The following CDT1 variants were observed in gnomAD, a reference collection of about 807,000 sequenced individuals.
The protein encoded by CDT1 is DNA replication factor Cdt1.
CDT1 carries 66 observed loss-of-function variants against 49.3 expected under a neutral mutation model. The observed-to-expected ratio is 1.34, with a 90% CI of 1.10 to 1.64. The LOEUF is 1.64. CDT1 is among the 40% of genes most tolerant of loss of function. The pLI is 0.00. For synonymous variants in CDT1, 424 were observed against 347.4 expected (o/e 1.22, Z -2.45); for missense variants, 958 against 807.7 (o/e 1.19, Z -2.26).
At position 88,807,468 on chromosome 16, in the gene CDT1, C is replaced by T. The variant is rs745962041; in HGVS notation, c.1463C>T (p.Thr488Ile). The change falls in exon 9 of 10, where the codon ACT (threonine) becomes ATT (isoleucine). Residue 488 changes from threonine (T) to isoleucine (I), a missense_variant. Coordinates refer to ENST00000301019, the MANE Select transcript of CDT1 (RefSeq NM_030928.4). ...GCCAGGATGGTGGGCAGCTGTTGTA[C>T]TATCATGAGCCCTGGTACGTGCAGG... ...ACARMVGSCC[T>I]IMSPGEMEKH... 3 of 1,613,070 alleles carry T rather than the reference C, an allele frequency of 1.9e-6. No homozygotes were observed. The highest frequency in any genetic ancestry group is 2.5e-6 in the Non-Finnish European group (3 of 1,179,924).
chr16:88,805,005 T>G, intron 3 of CDT1, 107 bp downstream of exon 3: 1 of 1,436,010 alleles, frequency 7.0e-7, no homozygotes, highest in Non-Finnish European at 9.3e-7. Context: ...CCAGGGAGGG[T>G]GGTGGTGAGG....
At chr16:88,805,677 G>C (rs1302284818) in intron 4 of CDT1, 40 bp downstream of exon 4, 12 of 1,612,486 alleles carry the variant, frequency 7.4e-6, no homozygotes, top group Non-Finnish European at 1.0e-5. Flanking sequence ...CCTGGAGTTG[G>C]GGGTGGGCCC....
rs758810157 is a variant in CDT1, at chr16:88,807,441, G to C, written c.1436G>C (p.Cys479Ser). 6.2e-7 allele frequency: 1 copy of C among 1,613,210 alleles called. No homozygotes were observed. Among genetic ancestry groups the C allele is most frequent in the East Asian group, 2.2e-5 (1 of 44,886 alleles). The change falls in exon 9 of 10, where the codon TGT (cysteine) becomes TCT (serine). Residue 479 changes from cysteine to serine, a missense_variant. By Grantham distance (112) the Cys-to-Ser change is moderately radical. Transcript: ENST00000301019. ...CCTGCGCTCAGCATGGAGGTGGCCT[G>C]TGCCAGGATGGTGGGCAGCTGTTGT... ...RKPALSMEVA[C>S]ARMVGSCCTI...
rs755697136 is a variant in CDT1 at position 88,806,614 on chromosome 16, G to A, written c.1062G>A (p.Thr354=). 32 of 1,611,522 alleles carry A rather than the reference G, an allele frequency of 2.0e-5. No homozygotes were observed. The East Asian group carries it at 2.2e-4, about 11-fold the overall frequency. The change falls in exon 7 of 10, where the codon ACG becomes ACA. Residue 354 remains threonine, a synonymous_variant. Coordinates refer to ENST00000301019, the MANE Select transcript of CDT1 (RefSeq NM_030928.4). ...CCGCGCTGCCCCAGCCACCCGCCAC[G>A]GAGAAGCTCACCACTGCTCAGGAGG... is the stretch of plus-strand genomic sequence containing the variant. ...EPAALPQPPA[T]EKLTTAQEVL... is the part of the protein sequence containing the mutation.
Position 88,805,600 on chromosome 16 carries a change from G to C in CDT1, c.649G>C (p.Ala217Pro), listed in dbSNP as rs765235636. The C allele has an allele frequency of 1.4e-5, 23 of 1,612,698 alleles. No individual in the cohort carries two copies. Among genetic ancestry groups the C allele is most frequent in the Admixed American group, 1.7e-5 (1 of 60,012 alleles). ...LHNRSETPTFAKVQRGVQDMM... is the reference protein window; with the variant it reads ...LHNRSETPTFPKVQRGVQDMM... ...CAACCGCTCCGAGACGCCCACCTTT[G>C]CCAAGGTCCAGCGGGGCGTCCAGGA... The change falls in exon 4 of 10, where the codon GCC becomes CCC. Residue 217 changes from alanine to proline, a missense_variant. Coordinates refer to ENST00000301019, the MANE Select transcript of CDT1 (RefSeq NM_030928.4).
intron 3 of CDT1, 32 bp from the exon 4 acceptor site, chr16:88,805,408 T>C (rs1359443835): frequency 2.5e-6 from 4 of 1,611,240 alleles, no homozygotes; most frequent in Non-Finnish European, 3.4e-6. Context: ...AGGGGCCTAC[T>C]GCTTCTCATG....
At position 88,807,117 on chromosome 16, in the gene CDT1, C is replaced by T. The variant is rs769418929; in HGVS notation, c.1189C>T (p.Pro397Ser). 6.8e-6 allele frequency: 11 copies of T among 1,612,778 alleles called. No homozygotes were observed. Among genetic ancestry groups the T allele is most frequent in the South Asian group, 3.3e-5 (3 of 91,086 alleles). Reference sequence around the variant, plus strand: ...GCCCAGCAGCCCCGGGTCTCCCAGGCCAGCACTGCCGGCTACCCCACCAGC... The same window carrying T: ...GCCCAGCAGCCCCGGGTCTCCCAGGTCAGCACTGCCGGCTACCCCACCAGC... ...AAPSSPGSPR[P>S]ALPATPPATP... Residue 397 changes from proline to serine, a missense_variant, in exon 8 of 10, where the codon CCA becomes TCA. By Grantham distance (74) the Pro-to-Ser change is moderately conservative. Transcript: ENST00000301019.
chr16:88,808,505 TG>T lies in CDT1; in HGVS notation c.*230del. On this transcript the variant is annotated 3_prime_UTR_variant, in exon 10 of 10. Transcript: ENST00000301019. ...TGGATTCACATTAAACCGGTTTCTG[TG>T]GGCACCTCTGTCCTTGCTGCTGGTG... The T allele has an allele frequency of 1.7e-6, 1 of 578,408 alleles. No individual in the cohort carries two copies. The highest frequency in any genetic ancestry group is 2.1e-5 in the South Asian group (1 of 47,134). The allele number at this position is 578,408 out of a possible 1,614,324, so 35.8% of individuals were successfully genotyped here. A position where few individuals can be genotyped will look rare whatever the true frequency, so the allele number is the denominator to read the frequency against.
Position 88,809,191 on chromosome 16 carries a change from C to G in CDT1, c.*913C>G. The G allele has an allele frequency of 2.9e-6, 1 of 341,632 alleles. No individual in the cohort carries two copies. Among genetic ancestry groups the G allele is most frequent in the Non-Finnish European group, 5.8e-6 (1 of 173,226 alleles). 21.2% of individuals were successfully genotyped at this position (341,632 alleles called of 1,614,324 possible). A position where few individuals can be genotyped will look rare whatever the true frequency, so the allele number is the denominator to read the frequency against. ...TGGAGCCTCCAGAAGGGACTGGCCT[C>G]TGCCCACACCTTGACTTCAGTATTT... is the stretch of plus-strand genomic sequence containing the variant. On this transcript the variant is annotated 3_prime_UTR_variant, in exon 10 of 10. Coordinates refer to ENST00000301019, the MANE Select transcript of CDT1 (RefSeq NM_030928.4).
Position 88,806,007 on chromosome 16 carries a change from G to A in CDT1, c.833-14G>A. 1 of 1,584,602 alleles carries A rather than the reference G, an allele frequency of 6.3e-7. No homozygotes were observed. The highest frequency in any genetic ancestry group is 8.6e-7 in the Non-Finnish European group (1 of 1,169,024). On this transcript the variant is annotated splice_polypyrimidine_tract_variant and intron_variant, in intron 5 of 9. Coordinates refer to ENST00000301019, the MANE Select transcript of CDT1 (RefSeq NM_030928.4). Reference sequence around the variant, plus strand: ...GTGGCCTGGTGGGGACTTAGGCCTGGACTCGTCCCACAGAGGCTGACGGAG... The same window carrying A: ...GTGGCCTGGTGGGGACTTAGGCCTGAACTCGTCCCACAGAGGCTGACGGAG...
At position 88,807,122 on chromosome 16, in the gene CDT1, A is replaced by C; in HGVS notation, c.1194A>C (p.Ala398=). The change falls in exon 8 of 10, where the codon GCA becomes GCC. Residue 398 remains alanine, a synonymous_variant. Coordinates refer to ENST00000301019, the MANE Select transcript of CDT1 (RefSeq NM_030928.4). ...APSSPGSPRP[A]LPATPPATPP... is the part of the protein sequence containing the mutation. ...GCAGCCCCGGGTCTCCCAGGCCAGC[A>C]CTGCCGGCTACCCCACCAGCCACCC... 1 of 1,612,646 alleles carries C rather than the reference A, an allele frequency of 6.2e-7. No homozygotes were observed. The highest frequency in any genetic ancestry group is 8.5e-7 in the Non-Finnish European group (1 of 1,179,938).
intron 2 of CDT1, 28 bp from the exon 3 acceptor site, chr16:88,804,734 G>C (rs115503867): frequency 2.5e-6 from 4 of 1,612,746 alleles, no homozygotes; most frequent in Admixed American, 1.7e-5. Context: ...CCTGCCTGAC[G>C]GCACCGTGTC....
chr16:88,809,150 A>G lies in CDT1; in HGVS notation c.*872A>G. On this transcript the variant is annotated 3_prime_UTR_variant, in exon 10 of 10. Transcript: ENST00000301019. The stretch of plus-strand genomic sequence containing the variant: ...AGGCAGCCTGGAGAAGCTGGGCAGG[A>G]CAAGTAGGACATCCCTGGAGCCTCC... 3.6e-6 allele frequency: 1 copy of G among 280,354 alleles called. No individual in the cohort carries two copies. The highest frequency in any genetic ancestry group is 7.0e-6 in the Non-Finnish European group (1 of 141,958). 17.4% of individuals were successfully genotyped at this position (280,354 alleles called of 1,614,324 possible). A position where few individuals can be genotyped will look rare whatever the true frequency, so the allele number is the denominator to read the frequency against.
chr16:88,806,432 G>A, intron 6 of CDT1, 54 bp from the exon 7 acceptor site: 3 of 1,586,384 alleles, frequency 1.9e-6, no homozygotes, highest in African/African-American at 2.7e-5. Flanking sequence ...CTCACATGCA[G>A]TCTGCCCTTG....
chr16:88,804,605 A>T lies in CDT1; in HGVS notation c.289A>T (p.Lys97Ter). ...DIPACPSPGQ[K>*]IKKSTPAAGQ... ...CCCAGCCTGCCCTTCTCCGGGCCAGAAGATAAAGAAATCCACCCCGGCAGC... is the reference window on the plus strand; with the variant it reads ...CCCAGCCTGCCCTTCTCCGGGCCAGTAGATAAAGAAATCCACCCCGGCAGC... The change falls in exon 2 of 10, where the codon AAG becomes TAG. Residue 97 changes from lysine to a stop codon, truncating the protein, a stop_gained. Transcript: ENST00000301019. LOFTEE classifies it high-confidence loss of function. 1 of 1,612,868 alleles carries T rather than the reference A, an allele frequency of 6.2e-7. No homozygotes were observed. Among genetic ancestry groups the T allele is most frequent in the Non-Finnish European group, 8.5e-7 (1 of 1,179,874 alleles).
At chr16:88,806,256 A>G (rs1908852275) in intron 6 of CDT1, 135 bp downstream of exon 6, 2 of 1,033,638 alleles carry the variant, frequency 1.9e-6, no homozygotes, top group Non-Finnish European at 1.4e-6. Context: ...CCCTGAGCTG[A>G]GGGCTGGTGT....
Position 88,806,519 on chromosome 16 carries a change from G to T in CDT1, c.967G>T (p.Val323Leu). Residue 323 changes from valine (V) to leucine (L), a missense_variant, in exon 7 of 10, where the codon GTG becomes TTG. Val to Leu is a conservative substitution (Grantham distance 32). Transcript: ENST00000301019. The part of the protein sequence containing the change: ...FLASLSPAMV[V>L]PEDQLTRWHP... Reference sequence around the variant, plus strand: ...GGCCTCCCTGAGCCCCGCCATGGTGGTGCCGGAGGACCAGCTGACCCGCTG... The same window carrying T: ...GGCCTCCCTGAGCCCCGCCATGGTGTTGCCGGAGGACCAGCTGACCCGCTG... The T allele has an allele frequency of 1.2e-6, 2 of 1,611,104 alleles. No individual in the cohort carries two copies. Among genetic ancestry groups the T allele is most frequent in the Non-Finnish European group, 1.7e-6 (2 of 1,179,302 alleles).
Position 88,805,644 on chromosome 16 carries a change from G to T in CDT1, c.686+7G>T. 1 of 1,612,682 alleles carries T rather than the reference G, an allele frequency of 6.2e-7. No homozygotes were observed. Among genetic ancestry groups the T allele is most frequent in the Non-Finnish European group, 8.5e-7 (1 of 1,179,966 alleles). On this transcript the variant is annotated splice_region_variant and intron_variant, in intron 4 of 9. Coordinates refer to ENST00000301019, the MANE Select transcript of CDT1 (RefSeq NM_030928.4). ...TCCAGGACATGATGCGTAGGTGAGTGGCCGGGGGTGGGCTGTGGCTGTCCT... is the reference window on the plus strand; with the variant it reads ...TCCAGGACATGATGCGTAGGTGAGTTGCCGGGGGTGGGCTGTGGCTGTCCT...
intron 4 of CDT1, 34 bp from the exon 5 acceptor site, chr16:88,805,690 G>A (rs1466394876): frequency 2.2e-5 from 36 of 1,612,638 alleles, no homozygotes; most frequent in Non-Finnish European, 3.1e-5. Flanking sequence ...GTGGGCCCGG[G>A]CCTGCCTCCT....
Sources: allele counts gnomAD v4.1 joint callset, GRCh38; gene constraint gnomAD v4.1.1; transcripts MANE v1.5; gene names NCBI Gene and HGNC (gene_info 2026-07-23, HGNC 2026-07-21).